The following ARHGEF37 variants were observed in gnomAD, a reference collection of about 807,000 sequenced individuals.
ARHGEF37 encodes Rho guanine nucleotide exchange factor (GEF) 37.
In ARHGEF37, 55 loss-of-function variants were observed where a neutral mutation model predicts 71.1. The observed-to-expected ratio is 0.77, with a 90% confidence interval of 0.62 to 0.97. The LOEUF is 0.97. Among genes scored for constraint, ARHGEF37 ranks in the 50% least tolerant of loss-of-function variants. The pLI, the probability that ARHGEF37 is intolerant of heterozygous loss-of-function variation, is 0.00. For missense variants in ARHGEF37, 765 were observed against 836.8 expected (o/e 0.91, Z 1.06); for synonymous variants, 327 against 350.6 (o/e 0.93, Z 0.75).
At chr5:149,609,758 G>A (rs559880144) in intron 4 of ARHGEF37, 63 bp downstream of exon 4, 37 of 1,597,482 alleles carry the variant, frequency 2.3e-5, no homozygotes, top group South Asian at 1.6e-4. Flanking sequence ...GAGCAGCTAT[G>A]GTCTCACCCC....
In ARHGEF37 at chr5:149,627,291, C is replaced by G; in HGVS notation, c.1660+20C>G. On this transcript the variant is annotated intron_variant, in intron 11 of 12. Transcript: ENST00000333677. Reference sequence around the variant, plus strand: ...CCGGGGGTACGTGAGCCTTTGGGAGCCCTTCTTCTCCTTCGGGGAAAACCA... The same window carrying G: ...CCGGGGGTACGTGAGCCTTTGGGAGGCCTTCTTCTCCTTCGGGGAAAACCA... The G allele has an allele frequency of 1.9e-6, 3 of 1,605,342 alleles. No individual in the cohort carries two copies. The highest frequency in any genetic ancestry group is 2.6e-6 in the Non-Finnish European group (3 of 1,175,744).
chr5:149,596,996 G>A (rs1031445555), intron 1 of ARHGEF37, among the ~76,000 whole-genome samples: 7 of 152,140 alleles, frequency 4.6e-5, no homozygotes, highest in Non-Finnish European at 7.3e-5. Context: ...GAAAGAATGG[G>A]TGTGGTGGTG....
chr5:149,589,115 G>C (rs562221965), intron 1 of ARHGEF37, among the ~76,000 whole-genome samples: 42 of 152,018 alleles, frequency 2.8e-4, no homozygotes, highest in African/African-American at 8.2e-4. Context: ...TGTAGTCCCA[G>C]CTATGTGGGA....
intron 10 of ARHGEF37, among the ~76,000 whole-genome samples, chr5:149,625,896 C>G (rs1752670484): frequency 6.6e-6 from 1 of 152,166 alleles, no homozygotes; most frequent in East Asian, 1.9e-4. Context: ...CCTTGGGGGC[C>G]CTCCCAGGGG....
At chr5:149,608,496 A>G (rs1270455046) in intron 3 of ARHGEF37, among the ~76,000 whole-genome samples, 1 of 151,714 alleles carries the variant, frequency 6.6e-6, no homozygotes, top group Non-Finnish European at 1.5e-5. Context: ...TCAGCCTCCC[A>G]AGAGTAGCTG....
At position 149,616,451 on chromosome 5, in the gene ARHGEF37, G is replaced by A; in HGVS notation, c.459-116G>A. ...AGGAACTGGAGGATCGCAGAGAGGG[G>A]GTGACTTGCCTGAGATCACACAGTG... On this transcript the variant is annotated intron_variant, in intron 4 of 12. Transcript: ENST00000333677. 6.4e-6 allele frequency: 6 copies of A among 933,926 alleles called. No individual in the cohort carries two copies. The South Asian group carries it at 1.1e-4, about 18-fold the overall frequency. 57.9% of individuals were successfully genotyped at this position (933,926 alleles called of 1,614,324 possible).
intron 4 of ARHGEF37, among the ~76,000 whole-genome samples, chr5:149,616,254 G>A (rs566155656): frequency 6.6e-6 from 1 of 152,260 alleles, no homozygotes; most frequent in South Asian, 2.1e-4. Flanking sequence ...TGTCTCTGGA[G>A]CCAAAAGAAG....
chr5:149,618,121 C>T (rs1272617143), intron 5 of ARHGEF37, 55 bp from the exon 6 acceptor site: 28 of 1,605,206 alleles, frequency 1.7e-5, no homozygotes, highest in Non-Finnish European at 2.2e-5. Flanking sequence ...TCCGTGACAT[C>T]CACTTTCCTG....
Position 149,589,300 on chromosome 5 carries a change from T to C in ARHGEF37, c.-12+7676T>C, listed in dbSNP as rs1013261405. Among the ~76,000 whole-genome samples, 5 of 151,664 alleles carry C rather than the reference T, an allele frequency of 3.3e-5. No homozygotes were observed. In the East Asian group the frequency reaches 9.6e-4, roughly 29 times the overall value. On this transcript the variant is annotated intron_variant, in intron 1 of 12. Coordinates refer to ENST00000333677, the MANE Select transcript of ARHGEF37 (RefSeq NM_001001669.3). The stretch of plus-strand genomic sequence containing the variant: ...ATCATTTTTTAAAAGTTTTATTATG[T>C]TTTTAATTGACACATAATGTTTTAT...
chr5:149,621,917 CACTCA>C lies in ARHGEF37; in HGVS notation c.1195_1199del (p.Asn399AlafsTer5). ...GAGGCCGCCCGGCACACATACCAGG[CACTCA>C]ACTCGCTGCTAGTGGCTGAGCTCCC... is the stretch of plus-strand genomic sequence containing the variant. On this transcript the variant is annotated frameshift_variant, in exon 9 of 13. Transcript: ENST00000333677. LOFTEE classifies it high-confidence loss of function. The C allele has an allele frequency of 6.2e-7, 1 of 1,614,258 alleles. No individual in the cohort carries two copies. Among genetic ancestry groups the C allele is most frequent in the Non-Finnish European group, 8.5e-7 (1 of 1,180,050 alleles).
At chr5:149,628,393 A>T (rs1251565838) in intron 11 of ARHGEF37, among the ~76,000 whole-genome samples, 2 of 152,236 alleles carry the variant, frequency 1.3e-5, no homozygotes, top group Non-Finnish European at 2.9e-5. Flanking sequence ...CTACACATAA[A>T]GGAACTGGGC....
Position 149,630,035 on chromosome 5 carries a change from G to A in ARHGEF37, c.1818+1069G>A, listed in dbSNP as rs577205101. Reference sequence around the variant, plus strand: ...GAATGGCAGGGGCTGGGGGTGGGAGGTGGGGAATGGGGACTGCTAACTGGT... The same window carrying A: ...GAATGGCAGGGGCTGGGGGTGGGAGATGGGGAATGGGGACTGCTAACTGGT... On this transcript the variant is annotated intron_variant, in intron 12 of 12. Coordinates refer to ENST00000333677, the MANE Select transcript of ARHGEF37 (RefSeq NM_001001669.3). 7.3e-5 allele frequency among the ~76,000 whole-genome samples: 11 copies of A among 151,466 alleles called. No homozygotes were observed. In the South Asian group the frequency reaches 2.1e-3, roughly 29 times the overall value.
intron 10 of ARHGEF37, among the ~76,000 whole-genome samples, chr5:149,625,123 C>G (rs1295218859): frequency 6.6e-6 from 1 of 152,048 alleles, no homozygotes; most frequent in African/African-American, 2.4e-5. Flanking sequence ...GTCTCGAACT[C>G]CTGCCCTCTG....
intron 1 of ARHGEF37, among the ~76,000 whole-genome samples, chr5:149,586,405 T>C (rs1763238986): frequency 6.6e-6 from 1 of 152,140 alleles, no homozygotes; most frequent in South Asian, 2.1e-4. Flanking sequence ...ACTACAGGCA[T>C]GCACCACCAT....
Position 149,591,223 on chromosome 5 carries a change from T to C in ARHGEF37, c.-11-6536T>C, listed in dbSNP as rs1202458595. Reference sequence around the variant, plus strand: ...GAGGAGCTAGGACTTTTGTGTTCCATCTCAAAAAAAAAAAAAAAGTTGAAT... The same window carrying C: ...GAGGAGCTAGGACTTTTGTGTTCCACCTCAAAAAAAAAAAAAAAGTTGAAT... On this transcript the variant is annotated intron_variant, in intron 1 of 12. Coordinates refer to ENST00000333677, the MANE Select transcript of ARHGEF37 (RefSeq NM_001001669.3). Among the ~76,000 whole-genome samples, 30 of 92,900 alleles carry C rather than the reference T, an allele frequency of 3.2e-4. 1 individual carries two copies. In the South Asian group the frequency reaches 7.9e-3, roughly 24 times the overall value. 60.9% of individuals were successfully genotyped at this position (92,900 alleles called of 152,430 possible).
intron 1 of ARHGEF37, among the ~76,000 whole-genome samples, chr5:149,575,155 C>T (rs1561785164): frequency 1.3e-5 from 2 of 152,196 alleles, no homozygotes; most frequent in Admixed American, 6.5e-5. Flanking sequence ...TCATTCAATC[C>T]ACTTATAATG....
intron 1 of ARHGEF37, among the ~76,000 whole-genome samples, chr5:149,574,034 T>C (rs1188195799): frequency 6.6e-6 from 1 of 152,206 alleles, no homozygotes; most frequent in African/African-American, 2.4e-5. Context: ...TGTGATAGGA[T>C]AAATTAATAG....
upstream of ARHGEF37, among the ~76,000 whole-genome samples, chr5:149,580,703 A>G (rs770150361): frequency 7.9e-5 from 12 of 152,204 alleles, no homozygotes; most frequent in Non-Finnish European, 1.6e-4. Context: ...TTAGTAAGCA[A>G]TATGACTACT....
At chr5:149,572,831 AGCCT>A (rs1204662968) in intron 1 of ARHGEF37, among the ~76,000 whole-genome samples, 1 of 152,190 alleles carries the variant, frequency 6.6e-6, no homozygotes, top group Non-Finnish European at 1.5e-5. Context: ...CTGAATCTCC[AGCCT>A]GCTGGCCTAC....
Sources: allele counts gnomAD v4.1 joint callset (sites outside exome capture counted in the v4.1 genomes callset), GRCh38; gene constraint gnomAD v4.1.1; transcripts MANE v1.5; gene names NCBI Gene and HGNC (gene_info 2026-07-23, HGNC 2026-07-21).